TAF1L: variants seen among roughly 807,000 people sequenced by gnomAD.
TAF1L encodes the protein transcription initiation factor TFIID subunit 1-like.
A neutral mutation model predicts 128.8 loss-of-function variants in TAF1L; 30 were observed. The ratio of observed to expected loss-of-function variants is 0.23; its 90% CI spans 0.17 to 0.32. The LOEUF (loss-of-function observed/expected upper bound fraction) is 0.32, where lower values mean the gene tolerates loss of function less well. Ranked by LOEUF, TAF1L falls within the 10% of genes least tolerant of loss-of-function variation. The pLI is 1.00. For missense variants in TAF1L, 2,099 were observed against 2,253.7 expected (o/e 0.93, Z 1.39); for synonymous variants, 764 against 790.7 (o/e 0.97, Z 0.57).
Position 32,630,230 on chromosome 9 carries a change from T to C in TAF1L, c.5350A>G (p.Asn1784Asp). 2 of 1,614,264 alleles carry C rather than the reference T, an allele frequency of 1.2e-6. No homozygotes were observed. The highest frequency in any genetic ancestry group is 8.5e-7 in the Non-Finnish European group (1 of 1,180,048). ...EDAGSDEEGD[N>D]PFSAIQLSES... ...CTCAGCTGGATAGCAGAGAAAGGAT[T>C]GTCTCCTTCTTCGTCACTCCCAGCA... Residue 1784 changes from asparagine to aspartate, a missense_variant, in exon 1 of 1, where the codon AAT becomes GAT. Asn to Asp is a conservative substitution (Grantham distance 23, BLOSUM62 1). Transcript: ENST00000242310.
In TAF1L at chr9:32,631,033, G is replaced by A; in HGVS notation, c.4547C>T (p.Pro1516Leu). 1 of 1,614,130 alleles carries A rather than the reference G, an allele frequency of 6.2e-7. No homozygotes were observed. The highest frequency in any genetic ancestry group is 1.3e-5 in the African/African-American group (1 of 75,032). The change falls in exon 1 of 1, where the codon CCC becomes CTC. Residue 1516 changes from proline to leucine, a missense_variant. By Grantham distance (98) the Pro-to-Leu change is moderately conservative. This residue lies in a region of TAF1L where 404 missense variants were observed against 406.5 expected (regional missense o/e 0.99). Coordinates refer to ENST00000242310, the MANE Select transcript of TAF1L (RefSeq NM_153809.2). This position sits in a 1 kb window ranked among gnomAD's most constrained non-coding sequence, Gnocchi z 4.1. Reference sequence around the variant, plus strand: ...CACTTGGTCATCATCATCCAGCAAGGGGTTGATAGCTTTCTCTAAGCGAGC... The same window carrying A: ...CACTTGGTCATCATCATCCAGCAAGAGGTTGATAGCTTTCTCTAAGCGAGC... Reference protein sequence around the residue: ...KLARLEKAINPLLDDDDQVAF... With the variant: ...KLARLEKAINLLLDDDDQVAF...
Position 32,634,828 on chromosome 9 carries a change from G to A in TAF1L, c.752C>T (p.Pro251Leu). ...TAACACTTTTCCAGGTCGAAATTCT[G>A]GAAAAAGTTCGGTGACACTTGGCAA... ...KLLPSVTELFPEFRPGKVLRF... is the reference protein window; with the variant it reads ...KLLPSVTELFLEFRPGKVLRF... The change falls in exon 1 of 1, where the codon CCA becomes CTA. Residue 251 changes from proline to leucine, a missense_variant. Around this residue, in one of 4 missense-constraint regions of TAF1L, gnomAD observed 473 missense variants for 429.6 expected, o/e 1.10. Transcript: ENST00000242310. 2.5e-6 allele frequency: 4 copies of A among 1,614,146 alleles called. No individual in the cohort carries two copies. The highest frequency in any genetic ancestry group is 3.4e-6 in the Non-Finnish European group (4 of 1,180,032).
chr9:32,632,408 A>C lies in TAF1L; in HGVS notation c.3172T>G (p.Ser1058Ala), dbSNP rs747419810. Residue 1058 changes from serine to alanine, a missense_variant, in exon 1 of 1, where the codon TCT becomes GCT. Ser to Ala is a moderately conservative substitution (Grantham distance 99). Around this residue, in one of 4 missense-constraint regions of TAF1L, gnomAD observed 1,213 missense variants for 1,391.4 expected, o/e 0.87. Transcript: ENST00000242310. The surrounding 1 kb of genome is among the most constrained non-coding windows in gnomAD (Gnocchi z 4.4). ...VRTMSTEQAHSGEGPMSKFAR... is the reference protein window; with the variant it reads ...VRTMSTEQAHAGEGPMSKFAR... Reference sequence around the variant, plus strand: ...AATTTACTCATGGGCCCCTCTCCAGAATGAGCCTGTTCTGTTGACATTGTG... The same window carrying C: ...AATTTACTCATGGGCCCCTCTCCAGCATGAGCCTGTTCTGTTGACATTGTG... 1 of 1,614,192 alleles carries C rather than the reference A, an allele frequency of 6.2e-7. No homozygotes were observed. The highest frequency in any genetic ancestry group is 1.1e-5 in the South Asian group (1 of 91,078).
rs745809931 is a variant in TAF1L, at chr9:32,633,008, C to G, written c.2572G>C (p.Glu858Gln). The G allele has an allele frequency of 2.5e-6, 4 of 1,614,196 alleles. No homozygotes were observed. Among genetic ancestry groups the G allele is most frequent in the Middle Eastern group, 3.3e-4 (2 of 6,062 alleles). Residue 858 changes from glutamate to glutamine, a missense_variant, in exon 1 of 1, where the codon GAA becomes CAA. Coordinates refer to ENST00000242310, the MANE Select transcript of TAF1L (RefSeq NM_153809.2). ...TTTAGCCTCTTCCGGATGCTGCTTT[C>G]TGAATGGGAAGGAAAGGCTTTTTTT... The part of the protein sequence containing the change: ...DIKKAFPSHS[E>Q]SSIRKRLKLC...
Position 32,630,785 on chromosome 9 carries a change from C to T in TAF1L, c.4795G>A (p.Val1599Ile), listed in dbSNP as rs764738840. The change falls in exon 1 of 1, where the codon GTT becomes ATT. Residue 1599 changes from valine to isoleucine, a missense_variant. By Grantham distance (29) the Val-to-Ile change is conservative. Around this residue, in one of 4 missense-constraint regions of TAF1L, gnomAD observed 404 missense variants for 406.5 expected, o/e 0.99. Coordinates refer to ENST00000242310, the MANE Select transcript of TAF1L (RefSeq NM_153809.2). ...DDVNLILANS[V>I]KYNGPESQYT... ...TGACTCTCAGGTCCATTATACTTAA[C>T]ACTGTTGGCAAGAATAAGGTTTACA... 5.6e-6 allele frequency: 9 copies of T among 1,614,102 alleles called. No individual in the cohort carries two copies. Among genetic ancestry groups the T allele is most frequent in the Middle Eastern group, 3.3e-4 (2 of 6,084 alleles).
chr9:32,635,647 C>G lies in TAF1L; in HGVS notation c.-68G>C. ...AGCTCCCTTACCCTACCAGCGTCTA[C>G]CGGAAGCTGAATAAAGGCGGGGGGA... On this transcript the variant is annotated 5_prime_UTR_variant, in exon 1 of 1. Coordinates refer to ENST00000242310, the MANE Select transcript of TAF1L (RefSeq NM_153809.2). 6.6e-7 allele frequency: 1 copy of G among 1,505,158 alleles called. No homozygotes were observed. The highest frequency in any genetic ancestry group is 8.9e-7 in the Non-Finnish European group (1 of 1,127,782). 93.2% of individuals were successfully genotyped at this position (1,505,158 alleles called of 1,614,324 possible).
At position 32,633,492 on chromosome 9, in the gene TAF1L, A is replaced by T. The variant is rs1239232824; in HGVS notation, c.2088T>A (p.Asp696Glu). 2 of 1,614,120 alleles carry T rather than the reference A, an allele frequency of 1.2e-6. No homozygotes were observed. The highest frequency in any genetic ancestry group is 4.5e-5 in the East Asian group (2 of 44,898). Residue 696 changes from aspartate (D) to glutamate (E), a missense_variant, in exon 1 of 1, where the codon GAT becomes GAA. This residue lies in a region of TAF1L where 1,213 missense variants were observed against 1,391.4 expected (regional missense o/e 0.87). Coordinates refer to ENST00000242310, the MANE Select transcript of TAF1L (RefSeq NM_153809.2). ...CCTCACTATATTCTGCAAGAATAAG[A>T]TCTCCATCTTTGCCTGTGAGATCCT... Reference protein sequence around the residue: ...TPQDLTGKDGDLILAEYSEEN... With the variant: ...TPQDLTGKDGELILAEYSEEN...
chr9:32,635,365 C>G lies in TAF1L; in HGVS notation c.215G>C (p.Gly72Ala). 1 of 1,614,166 alleles carries G rather than the reference C, an allele frequency of 6.2e-7. No individual in the cohort carries two copies. Among genetic ancestry groups the G allele is most frequent in the Non-Finnish European group, 8.5e-7 (1 of 1,180,026 alleles). The part of the protein sequence containing the change: ...KKHLAGLGAL[G>A]LGSLITELTA... Reference sequence around the variant, plus strand: ...GAGTTCAGTGATTAGGCTGCCCAGCCCCAAAGCCCCCAAGCCTGCCAAGTG... The same window carrying G: ...GAGTTCAGTGATTAGGCTGCCCAGCGCCAAAGCCCCCAAGCCTGCCAAGTG... The change falls in exon 1 of 1, where the codon GGG becomes GCG. Residue 72 changes from glycine to alanine, a missense_variant. Coordinates refer to ENST00000242310, the MANE Select transcript of TAF1L (RefSeq NM_153809.2).
At position 32,632,094 on chromosome 9, in the gene TAF1L, G is replaced by T; in HGVS notation, c.3486C>A (p.Asn1162Lys). The T allele has an allele frequency of 6.2e-7, 1 of 1,614,160 alleles. No individual in the cohort carries two copies. The highest frequency in any genetic ancestry group is 1.1e-5 in the South Asian group (1 of 91,080). The change falls in exon 1 of 1, where the codon AAC becomes AAA. Residue 1162 changes from asparagine (N) to lysine (K), a missense_variant. Coordinates refer to ENST00000242310, the MANE Select transcript of TAF1L (RefSeq NM_153809.2). This position sits in a 1 kb window ranked among gnomAD's most constrained non-coding sequence, Gnocchi z 4.4. ...LLVAGSAASG[N>K]NHRDDVTASM... ...AAGCTGTGACATCATCTCTGTGATT[G>T]TTTCCTGATGCTGCTGAGCCTGCTA...
rs1284052199 is a variant in TAF1L, at chr9:32,635,531, C to G, written c.49G>C (p.Ala17Pro). Residue 17 changes from alanine to proline, a missense_variant, in exon 1 of 1, where the codon GCC (alanine) becomes CCC (proline). By Grantham distance (27) the Ala-to-Pro change is conservative. Coordinates refer to ENST00000242310, the MANE Select transcript of TAF1L (RefSeq NM_153809.2). ...CTGTCCGAGTCTGACATGATGGCGG[C>G]AGTGACGGTAGCTGCTGCCCTCAGC... Reference protein sequence around the residue: ...LLLRAAATVTAAIMSDSDSEE... With the variant: ...LLLRAAATVTPAIMSDSDSEE... The G allele has an allele frequency of 6.2e-7, 1 of 1,614,068 alleles. No individual in the cohort carries two copies. The highest frequency in any genetic ancestry group is 8.5e-7 in the Non-Finnish European group (1 of 1,179,990).
rs748546945 is a variant in TAF1L, at chr9:32,632,281, T to G, written c.3299A>C (p.Glu1100Ala). 10 of 1,614,212 alleles carry G rather than the reference T, an allele frequency of 6.2e-6. No individual in the cohort carries two copies. The highest frequency in any genetic ancestry group is 8.5e-6 in the Non-Finnish European group (10 of 1,180,048). ...DLQNKVLSSTEVLSTDTDSIS... is the reference protein window; with the variant it reads ...DLQNKVLSSTAVLSTDTDSIS... ...GCTGTCTGTGTCAGTTGATAAGACC[T>G]CAGTTGATGACAGAACCTTGTTCTG... The change falls in exon 1 of 1, where the codon GAG becomes GCG. Residue 1100 changes from glutamate to alanine, a missense_variant. Transcript: ENST00000242310. This position sits in a 1 kb window ranked among gnomAD's most constrained non-coding sequence, Gnocchi z 4.4.
Position 32,632,320 on chromosome 9 carries a change from C to A in TAF1L, c.3260G>T (p.Arg1087Leu). ...AACCTTGTTCTGTAGGTCAAAGATA[C>A]GCTGACATTCCTCTTTGTAACGCTC... ...HQERYKEECQ[R>L]IFDLQNKVLS... The change falls in exon 1 of 1, where the codon CGT (arginine) becomes CTT (leucine). Residue 1087 changes from arginine (R) to leucine (L), a missense_variant. Coordinates refer to ENST00000242310, the MANE Select transcript of TAF1L (RefSeq NM_153809.2). This position sits in a 1 kb window ranked among gnomAD's most constrained non-coding sequence, Gnocchi z 4.4. 2 of 1,614,182 alleles carry A rather than the reference C, an allele frequency of 1.2e-6. No homozygotes were observed. The highest frequency in any genetic ancestry group is 1.7e-6 in the Non-Finnish European group (2 of 1,180,040).
chr9:32,630,081 T>G lies in TAF1L; in HGVS notation c.*18A>C. On this transcript the variant is annotated 3_prime_UTR_variant, in exon 1 of 1. Transcript: ENST00000242310. The stretch of plus-strand genomic sequence containing the variant: ...GGAAGCCTCCCCACCGTCTCCCTCA[T>G]GGGACATCATGCTTTCTTCATTTTC... 6.2e-7 allele frequency: 1 copy of G among 1,613,948 alleles called. No homozygotes were observed. The highest frequency in any genetic ancestry group is 8.5e-7 in the Non-Finnish European group (1 of 1,179,924).
chr9:32,632,199 C>G lies in TAF1L; in HGVS notation c.3381G>C (p.Leu1127Phe), dbSNP rs1371948880. ...GCTGAGAGCTGGTTTTCTTGTTCTG[C>G]AACATGTTCTCAATGTTCTTTCCCA... ...EEMGKNIENMLQNKKTSSQLS... is the reference protein window; with the variant it reads ...EEMGKNIENMFQNKKTSSQLS... The change falls in exon 1 of 1, where the codon TTG becomes TTC. Residue 1127 changes from leucine (L) to phenylalanine (F), a missense_variant. Physicochemically the swap from Leu to Phe is conservative, Grantham distance 22. This residue lies in a region of TAF1L where 1,213 missense variants were observed against 1,391.4 expected (regional missense o/e 0.87). Coordinates refer to ENST00000242310, the MANE Select transcript of TAF1L (RefSeq NM_153809.2). This position sits in a 1 kb window ranked among gnomAD's most constrained non-coding sequence, Gnocchi z 4.4. 1 of 1,614,118 alleles carries G rather than the reference C, an allele frequency of 6.2e-7. No individual in the cohort carries two copies. Among genetic ancestry groups the G allele is most frequent in the Admixed American group, 1.7e-5 (1 of 60,012 alleles).
In TAF1L at chr9:32,630,984, G is replaced by A. The variant is rs779076967; in HGVS notation, c.4596C>T (p.Asn1532=). The A allele has an allele frequency of 1.2e-5, 19 of 1,614,092 alleles. No homozygotes were observed. The Admixed American group carries it at 1.8e-4, about 16-fold the overall frequency. The part of the protein sequence containing the change: ...DQVAFSFILD[N]IVTQKMMAVP... Reference sequence around the variant, plus strand: ...CTGCCATCATTTTCTGGGTGACAATGTTGTCCAGAATGAAAGAAAATGCCA... The same window carrying A: ...CTGCCATCATTTTCTGGGTGACAATATTGTCCAGAATGAAAGAAAATGCCA... Residue 1532 remains asparagine (N), a synonymous_variant, in exon 1 of 1, where the codon AAC becomes AAT. Coordinates refer to ENST00000242310, the MANE Select transcript of TAF1L (RefSeq NM_153809.2).
Position 32,633,548 on chromosome 9 carries a change from C to G in TAF1L, c.2032G>C (p.Gly678Arg). 3.1e-6 allele frequency: 5 copies of G among 1,614,186 alleles called. No individual in the cohort carries two copies. The highest frequency in any genetic ancestry group is 1.3e-5 in the African/African-American group (1 of 75,030). Residue 678 changes from glycine to arginine, a missense_variant, in exon 1 of 1, where the codon GGT becomes CGT. This residue lies in a region of TAF1L where 1,213 missense variants were observed against 1,391.4 expected (regional missense o/e 0.87). Transcript: ENST00000242310. The stretch of plus-strand genomic sequence containing the variant: ...GTGCGCATAAAAAACAACTCTCCAC[C>G]ACCTGAGGCTTGCCTCTCTTGTTCT... ...MREQERQASG[G>R]GELFFMRTPQ...
Position 32,631,724 on chromosome 9 carries a change from A to G in TAF1L, c.3856T>C (p.Cys1286Arg), listed in dbSNP as rs1822520354. 1.9e-6 allele frequency: 3 copies of G among 1,614,020 alleles called. No homozygotes were observed. Among genetic ancestry groups the G allele is most frequent in the Non-Finnish European group, 2.5e-6 (3 of 1,180,038 alleles). The change falls in exon 1 of 1, where the codon TGT becomes CGT. Residue 1286 changes from cysteine to arginine, a missense_variant. By Grantham distance (180) the Cys-to-Arg change is radical. This residue lies in a region of TAF1L where 1,213 missense variants were observed against 1,391.4 expected (regional missense o/e 0.87). Transcript: ENST00000242310. This position sits in a 1 kb window ranked among gnomAD's most constrained non-coding sequence, Gnocchi z 4.1. ...RPDLKLKCGA[C>R]GAIGHMRTNK... is the part of the protein sequence containing the mutation. ...GTCCTCATATGTCCAATGGCACCAC[A>G]TGCCCCACATTTCAGTTTTAGGTCA...
At position 32,630,742 on chromosome 9, in the gene TAF1L, T is replaced by C; in HGVS notation, c.4838A>G (p.Gln1613Arg). 1 of 1,614,242 alleles carries C rather than the reference T, an allele frequency of 6.2e-7. No homozygotes were observed. Among genetic ancestry groups the C allele is most frequent in the South Asian group, 1.1e-5 (1 of 91,090 alleles). The change falls in exon 1 of 1, where the codon CAG (glutamine) becomes CGG (arginine). Residue 1613 changes from glutamine to arginine, a missense_variant. Physicochemically the swap from Gln to Arg is conservative, Grantham distance 43 (BLOSUM62 1). This residue lies in a region of TAF1L where 404 missense variants were observed against 406.5 expected (regional missense o/e 0.99). Transcript: ENST00000242310. ...CTGGTAACAGATGTTCACAATCTCC[T>C]GAGCAGTCTTAGTGTACTGACTCTC... ...GPESQYTKTA[Q>R]EIVNICYQTI...
Position 32,634,386 on chromosome 9 carries a change from AG to A in TAF1L, c.1193del (p.Ser398LeufsTer3). The part of the protein sequence containing the change: ...RKTQHEPVIK[S>X]RMMEEFRKLE... ...GTTTCCTAAATTCCTCCATCATTCTAGATTTTATCACAGGTTCATGTTGTGT... is the reference window on the plus strand; with the variant it reads ...GTTTCCTAAATTCCTCCATCATTCTAATTTTATCACAGGTTCATGTTGTGT... On this transcript the variant is annotated frameshift_variant, in exon 1 of 1. Transcript: ENST00000242310. LOFTEE classifies it high-confidence loss of function. 1 of 1,614,196 alleles carries A rather than the reference AG, an allele frequency of 6.2e-7. No homozygotes were observed. The highest frequency in any genetic ancestry group is 1.6e-4 in the Middle Eastern group (1 of 6,062).
Sources: gnomAD v4.1 joint callset for allele counts on GRCh38, gnomAD v4.1.1 for gene constraint, gnomAD v4.1.1 regional missense constraint, Gnocchi (gnomAD v3.1) non-coding constraint, MANE v1.5 for transcripts, NCBI Gene and HGNC (gene_info 2026-07-23, HGNC 2026-07-21) for gene names.